Variants in STK32C observed in about 807,000 individuals in gnomAD.
The protein encoded by STK32C is serine/threonine-protein kinase 32C.
Under a neutral mutation model 56.5 loss-of-function variants are expected in STK32C, and 31 were observed. The ratio of observed to expected loss-of-function variants is 0.55; its 90% CI spans 0.41 to 0.74. STK32C has a LOEUF of 0.74. Ranked by LOEUF, STK32C falls within the 30% of genes least tolerant of loss-of-function variation. STK32C has a pLI of 0.00. For synonymous variants in STK32C, 309 were observed against 289.4 expected (o/e 1.07, Z -0.69); for missense variants, 544 against 676.9 (o/e 0.80, Z 2.18).
chr10:132,263,517 A>G (rs561585868), intron 1 of STK32C, among the ~76,000 whole-genome samples: 17 of 152,234 alleles, frequency 1.1e-4, no homozygotes, highest in South Asian at 1.0e-3. Context: ...GACAGGATCA[A>G]TTGAACCCCA....
chr10:132,222,765 C>T lies in STK32C; in HGVS notation c.1127G>A (p.Arg376His), dbSNP rs764558009. 12 of 1,601,900 alleles carry T rather than the reference C, an allele frequency of 7.5e-6. No homozygotes were observed. Among genetic ancestry groups the T allele is most frequent in the African/African-American group, 1.3e-5 (1 of 74,740 alleles). ...VEPGFVPNKG[R>H]LHCDPTFELE... ...CTCAAAGGTGGGGTCGCAGTGCAGA[C>T]GGCCTTTCTACAGAGGGATGGGTGC... Residue 376 changes from arginine to histidine, a missense_variant, in exon 10 of 12, where the codon CGT becomes CAT. By Grantham distance (29) the Arg-to-His change is conservative. Coordinates refer to ENST00000298630, the MANE Select transcript of STK32C (RefSeq NM_173575.4).
chr10:132,265,308 G>A (rs2064479490), intron 1 of STK32C, among the ~76,000 whole-genome samples: 1 of 152,218 alleles, frequency 6.6e-6, no homozygotes, highest in East Asian at 1.9e-4. Flanking sequence ...GCTGGGCACT[G>A]GCTCTTCTCC....
intron 1 of STK32C, among the ~76,000 whole-genome samples, chr10:132,305,646 C>T (rs1453846870): frequency 6.6e-6 from 1 of 152,234 alleles, no homozygotes; most frequent in East Asian, 1.9e-4. Context: ...CTTTCTCCTT[C>T]CAAACTGAAT....
At chr10:132,226,048 C>T (rs1215338529) in intron 4 of STK32C, among the ~76,000 whole-genome samples, 1 of 152,228 alleles carries the variant, frequency 6.6e-6, no homozygotes, top group Non-Finnish European at 1.5e-5. Context: ...GGGCCTGGAG[C>T]CCCAGAGGAC....
At chr10:132,281,165 C>T (rs1464406305) in intron 1 of STK32C, among the ~76,000 whole-genome samples, 2 of 142,904 alleles carry the variant, frequency 1.4e-5, no homozygotes, top group Non-Finnish European at 1.5e-5. Context: ...AACACACACA[C>T]GTGATCCTCG....
chr10:132,280,371 C>T (rs2065137579), intron 1 of STK32C, among the ~76,000 whole-genome samples: 1 of 147,590 alleles, frequency 6.8e-6, no homozygotes. Context: ...CCCCTGCACT[C>T]CGTGATCACG....
In STK32C at chr10:132,223,803, C is replaced by T. The variant is rs74667439; in HGVS notation, c.993+604G>A. 4.8e-3 allele frequency among the ~76,000 whole-genome samples: 730 copies of T among 152,316 alleles called. 6 individuals carry two copies. Among genetic ancestry groups the T allele is most frequent in the African/African-American group, 0.017 (687 of 41,574 alleles). ...TCCTGCCTGGGCCTGGCTCTGACTC[C>T]GAACCCCCTATGGTGTTAATGCGAG... On this transcript the variant is annotated intron_variant, in intron 8 of 11. Coordinates refer to ENST00000298630, the MANE Select transcript of STK32C (RefSeq NM_173575.4).
rs2064492692 is a variant in STK32C, at chr10:132,265,601, T to C, written c.263-19646A>G. Reference sequence around the variant, plus strand: ...CTCTCGCTTTCATGGCTCGGGACAATGTCTTTCCTTCCTGCTGAAGGCTCT... The same window carrying C: ...CTCTCGCTTTCATGGCTCGGGACAACGTCTTTCCTTCCTGCTGAAGGCTCT... On this transcript the variant is annotated intron_variant, in intron 1 of 11. Transcript: ENST00000298630. Among the ~76,000 whole-genome samples, 3 of 152,132 alleles carry C rather than the reference T, an allele frequency of 2.0e-5. No homozygotes were observed. The South Asian group carries it at 6.2e-4, about 31-fold the overall frequency.
chr10:132,306,330 A>T (rs984067617), intron 1 of STK32C, among the ~76,000 whole-genome samples: 1 of 152,254 alleles, frequency 6.6e-6, no homozygotes, highest in African/African-American at 2.4e-5. Context: ...GGCTTTCTTT[A>T]CTTTGAATAT....
chr10:132,267,185 G>A (rs369125178), intron 1 of STK32C, among the ~76,000 whole-genome samples: 5 of 152,374 alleles, frequency 3.3e-5, no homozygotes, highest in African/African-American at 1.2e-4. Flanking sequence ...GCCAGCTGCA[G>A]TAGCAGCCCC....
chr10:132,294,743 C>G (rs1370363800), intron 1 of STK32C, among the ~76,000 whole-genome samples: 1 of 152,156 alleles, frequency 6.6e-6, no homozygotes, highest in Non-Finnish European at 1.5e-5. Context: ...AGCCCCCGAC[C>G]CAGGGCCAGC....
intron 1 of STK32C, among the ~76,000 whole-genome samples, chr10:132,277,440 A>G (rs546984631): frequency 5.9e-5 from 9 of 152,196 alleles, no homozygotes; most frequent in African/African-American, 1.7e-4. Context: ...CTTCCTATCC[A>G]CTGACCAGTT....
intron 1 of STK32C, among the ~76,000 whole-genome samples, chr10:132,286,399 T>C (rs373042861): frequency 1.5e-4 from 23 of 152,256 alleles, no homozygotes; most frequent in African/African-American, 4.3e-4. Context: ...TTCCAGAAAA[T>C]TGAGAAGAGA....
chr10:132,242,532 C>A (rs1484256150), intron 2 of STK32C, among the ~76,000 whole-genome samples: 1 of 151,896 alleles, frequency 6.6e-6, no homozygotes, highest in Non-Finnish European at 1.5e-5. Flanking sequence ...GGAAGAGGGA[C>A]CCTCCCCCGG....
intron 1 of STK32C, among the ~76,000 whole-genome samples, chr10:132,278,757 CAAA>C (rs60685458): frequency 0.043 from 3,891 of 90,314 alleles, 76 homozygotes; most frequent in Middle Eastern, 0.1. Context: ...GAGACTGTCT[CAAA>C]AAAAAAAAAA....
intron 1 of STK32C, among the ~76,000 whole-genome samples, chr10:132,295,497 A>T (rs2065711938): frequency 6.6e-6 from 1 of 152,248 alleles, no homozygotes; most frequent in South Asian, 2.1e-4. Flanking sequence ...AGCAGTGACG[A>T]ATTACAACCA....
intron 8 of STK32C, among the ~76,000 whole-genome samples, 177 bp from the exon 9 acceptor site, chr10:132,223,163 A>C (rs1041743037): frequency 2.0e-5 from 3 of 152,218 alleles, no homozygotes; most frequent in Non-Finnish European, 2.9e-5. Context: ...CAGGCAAAGC[A>C]CCGTGGCTGG....
chr10:132,307,897 CG>C lies in STK32C; in HGVS notation c.-65del. ...CATGGCCGGCCGGCAGGGCCGGGAG[CG>C]GCAGTGGTAGCGGGAGCGCTCGGGG... is the stretch of plus-strand genomic sequence containing the variant. On this transcript the variant is annotated 5_prime_UTR_variant, in exon 1 of 12. Transcript: ENST00000298630. This position sits in a 1 kb window ranked among gnomAD's most constrained non-coding sequence, Gnocchi z 4.4. 8.9e-7 allele frequency: 1 copy of C among 1,123,408 alleles called. No individual in the cohort carries two copies. The highest frequency in any genetic ancestry group is 1.1e-6 in the Non-Finnish European group (1 of 914,082). 69.6% of individuals were successfully genotyped at this position (1,123,408 alleles called of 1,614,324 possible). A position where few individuals can be genotyped will look rare whatever the true frequency, so the allele number is the denominator to read the frequency against.
In STK32C at chr10:132,284,404, G is replaced by GGGGCAGGTGAGGTTGGGA. The variant is rs1564777008; in HGVS notation, c.262+23167_262+23168insTCCCAACCTCACCTGCCC. ...GGTTGGGGGGGCAGGTGAGGTTGCA[G>GGGGCAGGTGAGGTTGGGA]GGGCAGGTGAGGTTGGGGGGGCAGG... On this transcript the variant is annotated intron_variant, in intron 1 of 11. Coordinates refer to ENST00000298630, the MANE Select transcript of STK32C (RefSeq NM_173575.4). Among the ~76,000 whole-genome samples, 109 of 92,444 alleles carry GGGGCAGGTGAGGTTGGGA rather than the reference G, an allele frequency of 1.2e-3. 4 individuals are homozygous for GGGGCAGGTGAGGTTGGGA. The highest frequency in any genetic ancestry group is 4.9e-3 in the African/African-American group (98 of 20,152). 60.6% of individuals were successfully genotyped at this position (92,444 alleles called of 152,430 possible).
Sources: allele counts gnomAD v4.1 joint callset (sites outside exome capture counted in the v4.1 genomes callset), GRCh38; gene constraint gnomAD v4.1.1; non-coding constraint Gnocchi (gnomAD v3.1); transcripts MANE v1.5; gene names NCBI Gene and HGNC (gene_info 2026-07-23, HGNC 2026-07-21).